The following SUFU variants were observed in gnomAD, a reference collection of about 807,000 sequenced individuals.
The protein encoded by SUFU is suppressor of fused homolog.
SUFU carries 7 observed loss-of-function variants against 58.9 expected under a neutral mutation model. The observed-to-expected ratio is 0.12, with a 90% CI of 0.07 to 0.22. SUFU has a LOEUF of 0.22. Among genes scored for constraint, SUFU ranks in the 10% least tolerant of loss-of-function variants. The pLI, the probability that SUFU is intolerant of heterozygous loss-of-function variation, is 1.00. For synonymous variants in SUFU, 232 were observed against 254.8 expected, an observed-to-expected ratio of 0.91 and a Z score of 0.85; for missense variants, 451 against 641.3, an observed-to-expected ratio of 0.70 and a Z score of 3.20.
intron 2 of SUFU, among the ~76,000 whole-genome samples, chr10:102,548,513 T>G (rs760642876): frequency 6.6e-6 from 1 of 152,314 alleles, no homozygotes; most frequent in East Asian, 1.9e-4. Flanking sequence ...TTCAGGAGCT[T>G]GGTTGGCTGT....
At chr10:102,591,498 CAA>C (rs35914362) in intron 3 of SUFU, 106 of 119,252 alleles carry the variant, frequency 8.9e-4, no homozygotes, top group Middle Eastern at 9.0e-3. Context: ...GACTCCATCT[CAA>C]AAAAAAAAAA....
intron 6 of SUFU, among the ~76,000 whole-genome samples, chr10:102,595,062 C>T (rs2063447869): frequency 6.6e-6 from 1 of 152,170 alleles, no homozygotes; most frequent in African/African-American, 2.4e-5. Context: ...GCAGGAGCCA[C>T]AGACAGCTAA....
chr10:102,541,697 CT>C (rs869264798), intron 2 of SUFU, among the ~76,000 whole-genome samples: 40 of 56,094 alleles, frequency 7.1e-4, no homozygotes, highest in South Asian at 2.0e-3. Context: ...CCGCGCCCGG[CT>C]TTTTTTTTTT....
chr10:102,572,238 T>A (rs565566854), intron 3 of SUFU, among the ~76,000 whole-genome samples: 5 of 144,570 alleles, frequency 3.5e-5, no homozygotes, highest in African/African-American at 1.3e-4. Context: ...GATAATTTTT[T>A]TTTTTTTTTG....
chr10:102,564,636 A>G (rs780739306), intron 3 of SUFU, among the ~76,000 whole-genome samples: 5 of 152,150 alleles, frequency 3.3e-5, no homozygotes, highest in Non-Finnish European at 7.4e-5. Flanking sequence ...CCCAACCTCA[A>G]GCTCTCGTTT....
At chr10:102,524,324 CTTTTCTT>C (rs1455772483) in intron 2 of SUFU, among the ~76,000 whole-genome samples, 2 of 119,884 alleles carry the variant, frequency 1.7e-5, no homozygotes, top group Admixed American at 9.0e-5. Flanking sequence ...TTTTTCTTTT[CTTTTCTT>C]TTTTTTTTTT....
At chr10:102,566,981 A>T (rs1564684378) in intron 3 of SUFU, among the ~76,000 whole-genome samples, 1 of 133,994 alleles carries the variant, frequency 7.5e-6, no homozygotes, top group Admixed American at 7.7e-5. Context: ...TAAGAAGCAC[A>T]TTGCAAAAGA....
intron 3 of SUFU, among the ~76,000 whole-genome samples, chr10:102,559,612 A>G (rs1430833700): frequency 6.6e-6 from 1 of 152,200 alleles, no homozygotes; most frequent in Non-Finnish European, 1.5e-5. Context: ...CTTTGCAGCC[A>G]GTTTTTCTTA....
At chr10:102,503,758 T>A (rs1469909987), upstream of SUFU, among the ~76,000 whole-genome samples, 5 of 152,218 alleles carry the variant, frequency 3.3e-5, no homozygotes, top group Admixed American at 6.5e-5. Flanking sequence ...CCTCAGAGGG[T>A]GCTCAGCATC....
intron 8 of SUFU, among the ~76,000 whole-genome samples, chr10:102,614,832 C>T (rs1355790386): frequency 6.6e-6 from 1 of 151,214 alleles, no homozygotes; most frequent in Non-Finnish European, 1.5e-5. Flanking sequence ...GCTGAAATCG[C>T]ACCACTGTGC....
chr10:102,627,301 G>A (rs912711688), intron 11 of SUFU, 58 bp downstream of exon 11: 19 of 1,481,624 alleles, frequency 1.3e-5, no homozygotes, highest in South Asian at 6.8e-5. Flanking sequence ...ATGTGTGTGC[G>A]TGCGTGTGCA....
intron 8 of SUFU, among the ~76,000 whole-genome samples, chr10:102,603,722 A>T (rs1302288475): frequency 6.6e-6 from 1 of 151,782 alleles, no homozygotes; most frequent in African/African-American, 2.4e-5. Flanking sequence ...TCCCCAACAT[A>T]CACACACACA....
intron 1 of SUFU, 55 bp from the exon 2 acceptor site, chr10:102,509,114 G>C (rs1207913994): frequency 1.2e-5 from 20 of 1,611,892 alleles, no homozygotes; most frequent in Non-Finnish European, 1.7e-5. Context: ...GCCTTAGCTT[G>C]ACATTGTCTG....
At chr10:102,627,059 G>C in intron 10 of SUFU, 116 bp from the exon 11 acceptor site, 1 of 1,144,008 alleles carries the variant, frequency 8.7e-7, no homozygotes. Context: ...CCCTTGAACA[G>C]ATCACAGTGA....
chr10:102,560,407 T>TAA (rs1019232766), intron 3 of SUFU, among the ~76,000 whole-genome samples: 2 of 148,480 alleles, frequency 1.3e-5, no homozygotes, highest in African/African-American at 4.9e-5. Context: ...CCATCTCTGC[T>TAA]AAAAAAAAAA....
chr10:102,582,128 A>G (rs1233489285), intron 3 of SUFU, among the ~76,000 whole-genome samples: 1 of 152,200 alleles, frequency 6.6e-6, no homozygotes, highest in Non-Finnish European at 1.5e-5. Flanking sequence ...TGGCTTTCAC[A>G]GCGCCAAGCT....
chr10:102,607,914 C>CA (rs1183038612), intron 8 of SUFU, among the ~76,000 whole-genome samples: 1,267 of 114,022 alleles, frequency 0.011, 16 homozygotes, highest in African/African-American at 0.037. Context: ...CCATCTCAAA[C>CA]AAAAAAAAAA....
Position 102,625,446 on chromosome 10 carries a change from T to C in SUFU, c.1297-1729T>C, listed in dbSNP as rs184344879. ...GCTTGGAGCCTGGGAAGGCTGGGTC[T>C]CTTGTCTCCTTGCCAGCCAAAAGAG... is the stretch of plus-strand genomic sequence containing the variant. On this transcript the variant is annotated intron_variant, in intron 10 of 11. Transcript: ENST00000369902. This position sits in a 1 kb window ranked among gnomAD's most constrained non-coding sequence, Gnocchi z 4.7. Among the ~76,000 whole-genome samples the C allele has an allele frequency of 4.6e-5, 7 of 152,282 alleles. No homozygotes were observed. The highest frequency in any genetic ancestry group is 1.7e-4 in the African/African-American group (7 of 41,550).
upstream of SUFU, among the ~76,000 whole-genome samples, chr10:102,503,628 T>G (rs1332330090): frequency 6.6e-6 from 1 of 152,224 alleles, no homozygotes; most frequent in Non-Finnish European, 1.5e-5. Context: ...TAACGCCCCA[T>G]GGATGAATGA....
Sources: allele counts gnomAD v4.1 joint callset (sites outside exome capture counted in the v4.1 genomes callset), GRCh38; gene constraint gnomAD v4.1.1; non-coding constraint Gnocchi (gnomAD v3.1); transcripts MANE v1.5; gene names NCBI Gene and HGNC (gene_info 2026-07-23, HGNC 2026-07-21).